LNPEP: variants seen among roughly 807,000 people sequenced by gnomAD.
LNPEP encodes leucyl and cystinyl aminopeptidase.
Under a neutral mutation model 120.6 loss-of-function variants are expected in LNPEP, and 64 were observed. That is an observed-to-expected ratio of 0.53 (90% confidence interval 0.43 to 0.65). The LOEUF (loss-of-function observed/expected upper bound fraction) is 0.65, where lower values mean the gene tolerates loss of function less well. Ranked by LOEUF, LNPEP falls within the 30% of genes least tolerant of loss-of-function variation. The pLI is 0.00. For missense variants in LNPEP, 1,057 were observed against 1,200.0 expected, an observed-to-expected ratio of 0.88 and a Z score of 1.76; for synonymous variants, 435 against 425.4, an observed-to-expected ratio of 1.02 and a Z score of -0.28.
At chr5:96,939,095 G>A (rs1788990875) in intron 1 of LNPEP, among the ~76,000 whole-genome samples, 1 of 151,624 alleles carries the variant, frequency 6.6e-6, no homozygotes, top group Admixed American at 6.6e-5. Context: ...ATGCAGGGTT[G>A]GTATATTTTG....
At chr5:97,020,177 G>T (rs903439511) in intron 13 of LNPEP, among the ~76,000 whole-genome samples, 19 of 152,100 alleles carry the variant, frequency 1.2e-4, no homozygotes, top group Admixed American at 3.3e-4. Flanking sequence ...GTAAGTCATT[G>T]CTAGGATAAT....
At chr5:96,997,132 C>T (rs957533075) in intron 7 of LNPEP, among the ~76,000 whole-genome samples, 2 of 152,008 alleles carry the variant, frequency 1.3e-5, no homozygotes, top group African/African-American at 4.8e-5. Flanking sequence ...TATTCAAACA[C>T]ACTAGGCCAT....
chr5:97,028,626 C>T lies in LNPEP; in HGVS notation c.*93C>T, dbSNP rs537019208. ...GCAAAAGCCAAGGTAAAGCCAGGAT[C>T]GCTGCCAAGTTGTTTGCACTCTTTG... On this transcript the variant is annotated 3_prime_UTR_variant, in exon 18 of 18. Coordinates refer to ENST00000231368, the MANE Select transcript of LNPEP (RefSeq NM_005575.3). 7.6e-5 allele frequency: 103 copies of T among 1,358,658 alleles called. No individual in the cohort carries two copies. The Middle Eastern group carries it at 2.0e-3, about 27-fold the overall frequency. The allele number at this position is 1,358,658 out of a possible 1,614,324, so 84.2% of individuals were successfully genotyped here.
chr5:96,980,117 AT>A, intron 2 of LNPEP, 139 bp downstream of exon 2: 1 of 761,888 alleles, frequency 1.3e-6, no homozygotes, highest in Non-Finnish European at 2.0e-6. Flanking sequence ...TAGAATGGTG[AT>A]TTAGAACAAT....
chr5:96,993,232 A>G (rs111456666), intron 5 of LNPEP, 97 bp downstream of exon 5: 5 of 849,622 alleles, frequency 5.9e-6, no homozygotes. Flanking sequence ...AGTTGTTTGC[A>G]GAGAAAACCA....
rs774707546 is a variant in LNPEP, at chr5:97,027,835, A to T, written c.2946+21A>T. On this transcript the variant is annotated intron_variant, in intron 17 of 17. Coordinates refer to ENST00000231368, the MANE Select transcript of LNPEP (RefSeq NM_005575.3). ...CTGAGGTTGGTTTTATAAAATGATA[A>T]TACAGAGACTGGGCAACCCTCCGCA... 2.0e-6 allele frequency: 3 copies of T among 1,465,712 alleles called. No homozygotes were observed. The Admixed American group carries it at 5.0e-5, about 25-fold the overall frequency. 90.8% of individuals were successfully genotyped at this position (1,465,712 alleles called of 1,614,324 possible).
rs1355226281 is a variant in LNPEP, at chr5:97,029,242, T to C, written c.*709T>C. On this transcript the variant is annotated 3_prime_UTR_variant, in exon 18 of 18. Coordinates refer to ENST00000231368, the MANE Select transcript of LNPEP (RefSeq NM_005575.3). ...TGAATATTTAAGACTTTCTTTTTCATCTTTTATAGCGTTACCATAGGAAAC... is the reference window on the plus strand; with the variant it reads ...TGAATATTTAAGACTTTCTTTTTCACCTTTTATAGCGTTACCATAGGAAAC... 6.6e-6 allele frequency: 1 copy of C among 152,388 alleles called. No individual in the cohort carries two copies. The highest frequency in any genetic ancestry group is 1.5e-5 in the Non-Finnish European group (1 of 68,048). The allele number at this position is 152,388 out of a possible 1,614,324, so 9.4% of individuals were successfully genotyped here. A position where few individuals can be genotyped will look rare whatever the true frequency, so the allele number is the denominator to read the frequency against.
intron 17 of LNPEP, 85 bp downstream of exon 17, chr5:97,027,899 A>T (rs749650827): frequency 1.3e-5 from 10 of 789,288 alleles, no homozygotes; most frequent in Admixed American, 3.7e-5. Flanking sequence ...GAGATGGTGG[A>T]TTTTCATGCT....
Position 96,954,643 on chromosome 5 carries a change from T to C in LNPEP, c.19+18469T>C, listed in dbSNP as rs905832846. ...CTATATATATATATACATATATACA[T>C]ATATACATATATACACATATATACA... is the stretch of plus-strand genomic sequence containing the variant. On this transcript the variant is annotated intron_variant, in intron 1 of 17. Coordinates refer to ENST00000231368, the MANE Select transcript of LNPEP (RefSeq NM_005575.3). Among the ~76,000 whole-genome samples, 9 of 126,782 alleles carry C rather than the reference T, an allele frequency of 7.1e-5. 3 individuals are homozygous for C. Among genetic ancestry groups the C allele is most frequent in the Non-Finnish European group, 1.2e-4 (8 of 64,716 alleles). The allele number at this position is 126,782 out of a possible 152,430, so 83.2% of individuals were successfully genotyped here. A position where few individuals can be genotyped will look rare whatever the true frequency, so the allele number is the denominator to read the frequency against.
At chr5:96,948,409 C>T (rs751496219) in intron 1 of LNPEP, among the ~76,000 whole-genome samples, 3 of 152,236 alleles carry the variant, frequency 2.0e-5, no homozygotes, top group Admixed American at 6.5e-5. Context: ...TGAGCCACCA[C>T]GCCCAGCCCA....
chr5:96,971,875 C>T (rs771623530), intron 1 of LNPEP, among the ~76,000 whole-genome samples: 1 of 151,930 alleles, frequency 6.6e-6, no homozygotes, highest in African/African-American at 2.4e-5. Context: ...TAATAAAACA[C>T]GTCTTCTTCA....
At chr5:97,015,781 C>T (rs917023122) in intron 13 of LNPEP, among the ~76,000 whole-genome samples, 4 of 152,072 alleles carry the variant, frequency 2.6e-5, no homozygotes, top group African/African-American at 9.7e-5. Flanking sequence ...GGGACCCAGG[C>T]AAAAGGCAGC....
intron 1 of LNPEP, among the ~76,000 whole-genome samples, chr5:96,947,459 T>G (rs1789213186): frequency 6.6e-6 from 1 of 152,192 alleles, no homozygotes; most frequent in South Asian, 2.1e-4. Context: ...TTAGGCATGG[T>G]CATATGATTA....
At position 97,031,243 on chromosome 5, in the gene LNPEP, G is replaced by T. The variant is rs986258074; in HGVS notation, c.*2710G>T. The T allele has an allele frequency of 6.6e-6, 1 of 151,628 alleles. No homozygotes were observed. Among genetic ancestry groups the T allele is most frequent in the Non-Finnish European group, 1.5e-5 (1 of 67,962 alleles). 9.4% of individuals were successfully genotyped at this position (151,628 alleles called of 1,614,324 possible). A position where few individuals can be genotyped will look rare whatever the true frequency, so the allele number is the denominator to read the frequency against. ...GTTTATGCTTTGGAGATCTAAAAAAGTTATGAATGTAGGAATTAGATAAGT... is the reference window on the plus strand; with the variant it reads ...GTTTATGCTTTGGAGATCTAAAAAATTTATGAATGTAGGAATTAGATAAGT... On this transcript the variant is annotated 3_prime_UTR_variant, in exon 18 of 18. Transcript: ENST00000231368.
intron 15 of LNPEP, 127 bp downstream of exon 15, chr5:97,024,809 G>A: frequency 1.2e-6 from 1 of 802,794 alleles, no homozygotes; most frequent in Non-Finnish European, 1.9e-6. Context: ...GCCTAAGTTG[G>A]ACAGTGTGGT....
intron 9 of LNPEP, among the ~76,000 whole-genome samples, chr5:97,005,387 C>A (rs1017506807): frequency 9.2e-5 from 14 of 151,754 alleles, no homozygotes; most frequent in African/African-American, 3.4e-4. Context: ...GGGCTTTGGG[C>A]CTTAGAGGGT....
rs1377960897 is a variant in LNPEP, at chr5:96,958,590, T to TA, written c.20-20545dup. On this transcript the variant is annotated intron_variant, in intron 1 of 17. Coordinates refer to ENST00000231368, the MANE Select transcript of LNPEP (RefSeq NM_005575.3). ...TAAGCAATATAGTACAAATTTATCT[T>TA]AAAGTTATTGGCAGGTCAGAAGCCT... 4 of 723,340 alleles carry TA rather than the reference T, an allele frequency of 5.5e-6. No homozygotes were observed. In the African/African-American group the frequency reaches 7.7e-5, roughly 14 times the overall value. 44.8% of individuals were successfully genotyped at this position (723,340 alleles called of 1,614,324 possible). A position where few individuals can be genotyped will look rare whatever the true frequency, so the allele number is the denominator to read the frequency against.
At chr5:96,993,682 T>C in intron 5 of LNPEP, 135 bp from the exon 6 acceptor site, 1 of 848,470 alleles carries the variant, frequency 1.2e-6, no homozygotes, top group South Asian at 1.7e-5. Context: ...AGAGCTAGAA[T>C]AAGGAAGATT....
chr5:97,023,782 T>C (rs562953003), intron 14 of LNPEP, among the ~76,000 whole-genome samples: 1 of 152,288 alleles, frequency 6.6e-6, no homozygotes, highest in South Asian at 2.1e-4. Flanking sequence ...TAATTCTAAT[T>C]TTAATTTTTT....
Sources: allele counts gnomAD v4.1 joint callset (sites outside exome capture counted in the v4.1 genomes callset), GRCh38; gene constraint gnomAD v4.1.1; transcripts MANE v1.5; gene names NCBI Gene and HGNC (gene_info 2026-07-23, HGNC 2026-07-21).